SPMIP7: variants seen among roughly 807,000 people sequenced by gnomAD.
SPMIP7 encodes the protein protein SPMIP7.
chr7:50,145,657 T>C, the SPMIP7 span, among the ~76,000 whole-genome samples: 31 of 114,988 alleles, frequency 2.7e-4, no homozygotes, highest in African/African-American at 9.6e-4. Flanking sequence ...TATATATATA[T>C]ATACATCTTA....
the SPMIP7 span, among the ~76,000 whole-genome samples, chr7:50,144,847 A>G: frequency 1.3e-5 from 2 of 152,122 alleles, no homozygotes; most frequent in African/African-American, 4.8e-5. Flanking sequence ...TGTTTCTTCA[A>G]CAAACATGAA....
At chr7:50,101,530 A>G in the SPMIP7 span, among the ~76,000 whole-genome samples, 1 of 152,170 alleles carries the variant, frequency 6.6e-6, no homozygotes, top group Non-Finnish European at 1.5e-5. Flanking sequence ...TGTTTTTCAA[A>G]TAGTAGATAC....
chr7:50,128,821 G>T, the SPMIP7 span, among the ~76,000 whole-genome samples: 1 of 151,916 alleles, frequency 6.6e-6, no homozygotes, highest in Non-Finnish European at 1.5e-5. Flanking sequence ...GTTATGAATT[G>T]TTAAATCGAA....
chr7:50,100,673 G>C, the SPMIP7 span, among the ~76,000 whole-genome samples: 1 of 152,010 alleles, frequency 6.6e-6, no homozygotes, highest in Admixed American at 6.6e-5. Context: ...TTAGCCAGGC[G>C]TGGTGGTGAG....
chr7:50,139,793 C>T, the SPMIP7 span, among the ~76,000 whole-genome samples: 1 of 152,146 alleles, frequency 6.6e-6, no homozygotes, highest in East Asian at 1.9e-4. Context: ...AACCAAGATG[C>T]CCTTCAGCAG....
the SPMIP7 span, among the ~76,000 whole-genome samples, chr7:50,115,528 A>C: frequency 5.3e-5 from 8 of 152,224 alleles, no homozygotes; most frequent in African/African-American, 1.7e-4. Flanking sequence ...CAAACACATC[A>C]AATGAAATCA....
chr7:50,128,506 G>A, the SPMIP7 span, among the ~76,000 whole-genome samples: 2 of 151,978 alleles, frequency 1.3e-5, no homozygotes, highest in African/African-American at 4.8e-5. Context: ...TATTTAAGGT[G>A]ATGGATATTC....
the SPMIP7 span, chr7:50,136,244 C>T: frequency 8.2e-6 from 9 of 1,094,430 alleles, no homozygotes; most frequent in Admixed American, 1.6e-4. Flanking sequence ...TGCTGTAGCC[C>T]TTGGCTTAGA....
At chr7:50,104,417 A>G in the SPMIP7 span, 66 of 1,424,304 alleles carry the variant, frequency 4.6e-5, no homozygotes, top group African/African-American at 9.1e-4. Flanking sequence ...GTACAGTAAG[A>G]TTTTCTTCTG....
chr7:50,110,546 ATT>A, the SPMIP7 span, among the ~76,000 whole-genome samples: 3 of 144,432 alleles, frequency 2.1e-5, no homozygotes, highest in Non-Finnish European at 3.0e-5. Flanking sequence ...TTTGATATAT[ATT>A]ATATGCTTAT....
chr7:50,096,051 C>T, the SPMIP7 span: 1 of 1,344,948 alleles, frequency 7.4e-7, no homozygotes, highest in Non-Finnish European at 9.9e-7. Flanking sequence ...ATCAGAAATA[C>T]TTTATAGTTA....
At chr7:50,134,226 G>A in the SPMIP7 span, 11 of 1,544,432 alleles carry the variant, frequency 7.1e-6, no homozygotes, top group Non-Finnish European at 7.9e-6. Context: ...AAGATATAAA[G>A]GGGTGCCAGC....
chr7:50,111,485 T>G, the SPMIP7 span, among the ~76,000 whole-genome samples: 3 of 152,148 alleles, frequency 2.0e-5, no homozygotes, highest in Non-Finnish European at 4.4e-5. Context: ...TTGCTTACTT[T>G]TTACTGTACA....
At chr7:50,108,545 C>G in the SPMIP7 span, among the ~76,000 whole-genome samples, 1 of 152,016 alleles carries the variant, frequency 6.6e-6, no homozygotes, top group Non-Finnish European at 1.5e-5. Flanking sequence ...ACATAAATTT[C>G]AGATACTGCT....
At chr7:50,146,307 G>A in the SPMIP7 span, among the ~76,000 whole-genome samples, 7 of 152,196 alleles carry the variant, frequency 4.6e-5, no homozygotes, top group Admixed American at 3.9e-4. Context: ...GTGGTAAAAA[G>A]TCCAGAGAAC....
the SPMIP7 span, among the ~76,000 whole-genome samples, chr7:50,128,910 T>A: frequency 6.6e-6 from 1 of 151,906 alleles, no homozygotes; most frequent in Non-Finnish European, 1.5e-5. Flanking sequence ...GTAAAAAATC[T>A]CAAGACAATG....
chr7:50,140,265 C>T, the SPMIP7 span: 4 of 744,456 alleles, frequency 5.4e-6, no homozygotes, highest in Non-Finnish European at 8.4e-6. Context: ...ATGTTGTATT[C>T]ACTTTTTAAG....
the SPMIP7 span, among the ~76,000 whole-genome samples, chr7:50,140,795 C>A: frequency 2.0e-5 from 3 of 152,184 alleles, no homozygotes; most frequent in Admixed American, 2.0e-4. Context: ...CCAGTGGCCC[C>A]AGAAGTCCTT....
At chr7:50,135,839 C>T in the SPMIP7 span, among the ~76,000 whole-genome samples, 75,718 of 151,932 alleles carry the variant, frequency 0.5, 19,470 homozygotes, top group East Asian at 0.73. Flanking sequence ...ACATGGGTTT[C>T]GGTATGAAAC....
Sources: allele counts gnomAD v4.1 joint callset (sites outside exome capture counted in the v4.1 genomes callset), GRCh38; gene constraint gnomAD v4.1.1; transcripts MANE v1.5; gene names NCBI Gene and HGNC (gene_info 2026-07-23, HGNC 2026-07-21).